DRC8: variants seen among roughly 807,000 people sequenced by gnomAD.
DRC8 encodes dynein regulatory complex protein 8.
At chr1:245,087,799 A>G in the DRC8 span, 1 of 914,512 alleles carries the variant, frequency 1.1e-6, no homozygotes, top group Admixed American at 6.2e-5. Flanking sequence ...CATCAATCTG[A>G]GTGTGGAAGG....
At chr1:245,119,938 A>AAAAT in the DRC8 span, among the ~76,000 whole-genome samples, 5 of 52,734 alleles carry the variant, frequency 9.5e-5, no homozygotes, top group Admixed American at 6.1e-4. Context: ...GTCTCAAAAA[A>AAAAT]AAATAAAAAA....
the DRC8 span, among the ~76,000 whole-genome samples, chr1:245,120,072 TA>T: frequency 6.6e-6 from 1 of 152,192 alleles, no homozygotes; most frequent in East Asian, 1.9e-4. Flanking sequence ...CTGAAAGATG[TA>T]AAAAAAGAAA....
the DRC8 span, among the ~76,000 whole-genome samples, chr1:245,041,878 G>A: frequency 1.3e-5 from 2 of 152,042 alleles, no homozygotes; most frequent in Admixed American, 6.6e-5. Flanking sequence ...ATTGAGGAAG[G>A]CCCCAGAAGC....
At chr1:245,090,118 C>G in the DRC8 span, among the ~76,000 whole-genome samples, 1 of 152,056 alleles carries the variant, frequency 6.6e-6, no homozygotes, top group Non-Finnish European at 1.5e-5. Flanking sequence ...TTGTCATGTG[C>G]GTGAGGTGGA....
At chr1:244,975,258 G>T in the DRC8 span, among the ~76,000 whole-genome samples, 1 of 151,996 alleles carries the variant, frequency 6.6e-6, no homozygotes, top group Non-Finnish European at 1.5e-5. Context: ...TGATCTGCCT[G>T]CCTTGGCCTC....
chr1:245,121,646 C>G, the DRC8 span, among the ~76,000 whole-genome samples: 1 of 152,178 alleles, frequency 6.6e-6, no homozygotes, highest in Admixed American at 6.5e-5. Context: ...TACCAAAGGC[C>G]GGGCTGGCCT....
At chr1:245,070,956 C>A in the DRC8 span, among the ~76,000 whole-genome samples, 1 of 152,224 alleles carries the variant, frequency 6.6e-6, no homozygotes, top group African/African-American at 2.4e-5. Flanking sequence ...CAGTGCTCAT[C>A]CCCTCTGGGG....
At chr1:245,017,160 G>A in the DRC8 span, 2 of 1,307,686 alleles carry the variant, frequency 1.5e-6, no homozygotes, top group Non-Finnish European at 2.1e-6. Context: ...TACTTATTAA[G>A]ATTGCTAGTC....
At chr1:245,013,221 C>G in the DRC8 span, among the ~76,000 whole-genome samples, 1 of 152,044 alleles carries the variant, frequency 6.6e-6, no homozygotes, top group Non-Finnish European at 1.5e-5. Flanking sequence ...TTTGCCAGAC[C>G]TCGAGAAAAA....
At chr1:245,067,950 T>C in the DRC8 span, among the ~76,000 whole-genome samples, 3 of 152,238 alleles carry the variant, frequency 2.0e-5, no homozygotes, top group South Asian at 2.1e-4. Context: ...TTATGTTAGA[T>C]GCTGGAATTT....
At chr1:245,055,481 G>A in the DRC8 span, among the ~76,000 whole-genome samples, 2 of 151,816 alleles carry the variant, frequency 1.3e-5, no homozygotes, top group African/African-American at 2.4e-5. Context: ...CACCACACTC[G>A]ACTAATTTTT....
the DRC8 span, chr1:245,087,956 C>A: frequency 3.2e-6 from 1 of 310,892 alleles, no homozygotes. Flanking sequence ...GAGTTGAGAT[C>A]ATTGGAACTA....
the DRC8 span, among the ~76,000 whole-genome samples, chr1:245,000,624 C>CA: frequency 3.3e-5 from 5 of 151,898 alleles, no homozygotes; most frequent in East Asian, 9.7e-4. Flanking sequence ...ACTAAAAATA[C>CA]AAAAAAATTA....
chr1:245,111,847 G>T, the DRC8 span, among the ~76,000 whole-genome samples: 1 of 152,154 alleles, frequency 6.6e-6, no homozygotes, highest in Non-Finnish European at 1.5e-5. Context: ...ACCAGCCTGG[G>T]AAATGTAGTG....
chr1:245,087,392 C>G, the DRC8 span: 1 of 1,559,464 alleles, frequency 6.4e-7, no homozygotes, highest in Non-Finnish European at 8.6e-7. Flanking sequence ...ATTGAAAGAA[C>G]AATTTTAGAA....
chr1:245,041,099 C>T, the DRC8 span, among the ~76,000 whole-genome samples: 1 of 152,046 alleles, frequency 6.6e-6, no homozygotes, highest in Non-Finnish European at 1.5e-5. Flanking sequence ...TCAGGGAGTG[C>T]GTCTCTGGAA....
At chr1:244,990,390 T>C in the DRC8 span, among the ~76,000 whole-genome samples, 1 of 152,198 alleles carries the variant, frequency 6.6e-6, no homozygotes, top group Non-Finnish European at 1.5e-5. Flanking sequence ...ACATAGTATA[T>C]ATAGGGCTTG....
chr1:245,122,543 C>G, the DRC8 span: 1 of 152,606 alleles, frequency 6.6e-6, no homozygotes, highest in South Asian at 2.0e-4. Flanking sequence ...ACTGTAGCAT[C>G]GACCTCCTGG....
chr1:244,990,673 G>A, the DRC8 span, among the ~76,000 whole-genome samples: 242 of 152,224 alleles, frequency 1.6e-3, 2 homozygotes, highest in African/African-American at 5.7e-3. Context: ...TATTGAGACA[G>A]TGTCTTGCTC....
Sources: allele counts gnomAD v4.1 joint callset (sites outside exome capture counted in the v4.1 genomes callset), GRCh38; gene constraint gnomAD v4.1.1; transcripts MANE v1.5; gene names NCBI Gene and HGNC (gene_info 2026-07-23, HGNC 2026-07-21).